Variants in CYP3A43 observed in about 807,000 individuals in gnomAD.
CYP3A43 encodes the protein cytochrome P450 3A43.
CYP3A43 carries 45 observed loss-of-function variants against 58.0 expected under a neutral mutation model. That is an observed-to-expected ratio of 0.78 (90% CI 0.61 to 0.99). The LOEUF (loss-of-function observed/expected upper bound fraction) is 0.99. Ranked by LOEUF, CYP3A43 falls within the 50% of genes least tolerant of loss-of-function variation. CYP3A43 has a pLI of 0.00. For synonymous variants in CYP3A43, 191 were observed against 201.4 expected, an observed-to-expected ratio of 0.95 and a Z score of 0.44; for missense variants, 593 against 591.9, an observed-to-expected ratio of 1.00 and a Z score of -0.02.
chr7:99,843,120 T>G (rs1179800682), intron 3 of CYP3A43, among the ~76,000 whole-genome samples: 1 of 152,192 alleles, frequency 6.6e-6, no homozygotes, highest in African/African-American at 2.4e-5. Flanking sequence ...TATAACTGAC[T>G]TTTTCCTCTA....
intron 3 of CYP3A43, 108 bp from the exon 4 acceptor site, chr7:99,844,035 C>T: frequency 2.4e-6 from 2 of 821,558 alleles, no homozygotes; most frequent in South Asian, 1.8e-5. Context: ...TGCACAACTG[C>T]AAGTATGGAT....
chr7:99,849,563 C>G lies in CYP3A43; in HGVS notation c.539C>G (p.Thr180Ser). 6.2e-7 allele frequency: 1 copy of G among 1,610,074 alleles called. No homozygotes were observed. Among genetic ancestry groups the G allele is most frequent in the South Asian group, 1.1e-5 (1 of 89,770 alleles). The change falls in exon 7 of 13, where the codon ACC becomes AGC. Residue 180 changes from threonine to serine, a missense_variant. Coordinates refer to ENST00000354829, the MANE Select transcript of CYP3A43 (RefSeq NM_057095.3). Reference protein sequence around the residue: ...INLKDFFGAYTMDVITGTLFG... With the variant: ...INLKDFFGAYSMDVITGTLFG... ...CTACTCAGTTTCTTTGGGGCCTACA[C>G]CATGGATGTAATCACTGGCACATTA...
At chr7:99,862,630 A>G (rs1233734654) in intron 11 of CYP3A43, among the ~76,000 whole-genome samples, 2 of 152,250 alleles carry the variant, frequency 1.3e-5, no homozygotes, top group Non-Finnish European at 2.9e-5. Flanking sequence ...CTCTGGAAAT[A>G]GTTGATATTT....
intron 8 of CYP3A43, 126 bp from the exon 9 acceptor site, chr7:99,856,707 C>A: frequency 1.1e-6 from 1 of 898,122 alleles, no homozygotes; most frequent in East Asian, 2.5e-5. Flanking sequence ...ACTCAGGCAA[C>A]ACCCATTACA....
At chr7:99,857,732 A>T (rs558019096) in intron 9 of CYP3A43, among the ~76,000 whole-genome samples, 1 of 152,198 alleles carries the variant, frequency 6.6e-6, no homozygotes, top group African/African-American at 2.4e-5. Flanking sequence ...AATCCCAGCT[A>T]TTTGGGAGGC....
chr7:99,830,009 C>T (rs1816779726), intron 1 of CYP3A43, among the ~76,000 whole-genome samples: 1 of 152,128 alleles, frequency 6.6e-6, no homozygotes. Flanking sequence ...CAAAATATGG[C>T]ACTTAAGCAT....
intron 6 of CYP3A43, among the ~76,000 whole-genome samples, chr7:99,849,073 G>A (rs982981098): frequency 1.3e-5 from 2 of 152,252 alleles, no homozygotes; most frequent in Admixed American, 1.3e-4. Context: ...GACGTTCACA[G>A]CAAGTCTGAA....
At chr7:99,856,082 A>G (rs1057366977) in intron 8 of CYP3A43, among the ~76,000 whole-genome samples, 2 of 152,250 alleles carry the variant, frequency 1.3e-5, no homozygotes. Context: ...TATGGGTATT[A>G]CAATTTCCCT....
intron 7 of CYP3A43, chr7:99,850,115 C>T (rs951117118): frequency 2.7e-6 from 1 of 374,956 alleles, no homozygotes; most frequent in South Asian, 1.9e-5. Flanking sequence ...CACCACCACG[C>T]CTGGCTAATT....
At chr7:99,834,652 G>A (rs1028390601) in intron 1 of CYP3A43, among the ~76,000 whole-genome samples, 3 of 152,012 alleles carry the variant, frequency 2.0e-5, no homozygotes, top group Non-Finnish European at 4.4e-5. Flanking sequence ...TTTTGATCTT[G>A]TAAGTAGGAG....
At chr7:99,837,032 G>T (rs139032660) in intron 2 of CYP3A43, among the ~76,000 whole-genome samples, 1 of 151,916 alleles carries the variant, frequency 6.6e-6, no homozygotes, top group Non-Finnish European at 1.5e-5. Flanking sequence ...TTGGCTGGGC[G>T]CGGTGGCTCA....
intron 3 of CYP3A43, among the ~76,000 whole-genome samples, chr7:99,841,126 T>G (rs1021136476): frequency 6.6e-6 from 1 of 152,230 alleles, no homozygotes; most frequent in African/African-American, 2.4e-5. Flanking sequence ...AAGGAGCCGA[T>G]GTGGCTTTTC....
At chr7:99,850,167 G>A in intron 7 of CYP3A43, 1 of 328,502 alleles carries the variant, frequency 3.0e-6, no homozygotes, top group South Asian at 2.4e-5. Context: ...ATGTTGGTCA[G>A]GCTGGTCTCG....
intron 3 of CYP3A43, 156 bp downstream of exon 3, chr7:99,839,328 T>A: frequency 1.1e-6 from 1 of 904,408 alleles, no homozygotes; most frequent in Non-Finnish European, 1.8e-6. Context: ...AAAGATGATC[T>A]GGGAATTGAG....
At chr7:99,840,542 C>T (rs1173639827) in intron 3 of CYP3A43, among the ~76,000 whole-genome samples, 1 of 152,162 alleles carries the variant, frequency 6.6e-6, no homozygotes, top group Non-Finnish European at 1.5e-5. Context: ...TTCCTCTACT[C>T]TGTCTTTTCA....
rs139999922 is a variant in CYP3A43 at position 99,861,777 on chromosome 7, A to C, written c.1191A>C (p.Pro397=). The change falls in exon 11 of 13, where the codon CCA becomes CCC. Residue 397 remains proline, a synonymous_variant. Coordinates refer to ENST00000354829, the MANE Select transcript of CYP3A43 (RefSeq NM_057095.3). ...FIPKGLAVMV[P]IYALHHDPKY... ...CCAAAGGGTTAGCAGTGATGGTTCC[A>C]ATCTATGCTCTTCACCATGACCCAA... The C allele has an allele frequency of 3.1e-6, 5 of 1,614,018 alleles. No individual in the cohort carries two copies. The African/African-American group carries it at 6.7e-5, about 22-fold the overall frequency.
chr7:99,855,771 G>C (rs1817953731), intron 8 of CYP3A43, 53 bp downstream of exon 8: 2 of 1,536,694 alleles, frequency 1.3e-6, no homozygotes, highest in Non-Finnish European at 8.8e-7. Flanking sequence ...TTATATTTTT[G>C]GGCTGTTTAC....
At chr7:99,859,063 C>T (rs1818114298) in intron 9 of CYP3A43, among the ~76,000 whole-genome samples, 1 of 152,090 alleles carries the variant, frequency 6.6e-6, no homozygotes, top group East Asian at 1.9e-4. Context: ...GTCTCTGTAG[C>T]TTTCGTATAT....
chr7:99,860,121 G>A (rs1584239066), intron 10 of CYP3A43, 131 bp downstream of exon 10: 6 of 1,140,332 alleles, frequency 5.3e-6, no homozygotes, highest in African/African-American at 4.8e-5. Context: ...ATGCAGAAAG[G>A]CTGTAAAGAG....
Sources: gnomAD v4.1 joint callset for allele counts (sites outside exome capture counted in the v4.1 genomes callset) on GRCh38, gnomAD v4.1.1 for gene constraint, MANE v1.5 for transcripts, NCBI Gene and HGNC (gene_info 2026-07-23, HGNC 2026-07-21) for gene names.